Variants in DHRS9 observed in about 807,000 individuals in gnomAD.
DHRS9 encodes dehydrogenase/reductase 9, also known as dehydrogenase/reductase SDR family member 9.
A neutral mutation model predicts 26.6 loss-of-function variants in DHRS9; 18 were observed. That is an observed-to-expected ratio of 0.68 (90% confidence interval 0.47 to 1.00). The LOEUF (loss-of-function observed/expected upper bound fraction) is 1.00. Among genes scored for constraint, DHRS9 ranks in the 50% least tolerant of loss-of-function variants. The pLI, the probability that DHRS9 is intolerant of heterozygous loss-of-function variation, is 0.00. For missense variants in DHRS9, 425 were observed against 378.7 expected, an observed-to-expected ratio of 1.12 and a Z score of -1.01; for synonymous variants, 134 against 141.1, an observed-to-expected ratio of 0.95 and a Z score of 0.36.
At chr2:169,071,575 T>C (rs1407243857) in intron 1 of DHRS9, among the ~76,000 whole-genome samples, 6 of 152,246 alleles carry the variant, frequency 3.9e-5, no homozygotes, top group African/African-American at 1.4e-4. Flanking sequence ...GAATCTGTAG[T>C]GGAAGTACAC....
At chr2:169,070,786 C>T (rs1683777029) in intron 1 of DHRS9, 2 of 984,902 alleles carry the variant, frequency 2.0e-6, no homozygotes, top group African/African-American at 3.5e-5. Flanking sequence ...CATACCTGGC[C>T]GGGCGCGGTG....
At chr2:169,078,411 A>T (rs900999214) in intron 1 of DHRS9, among the ~76,000 whole-genome samples, 7 of 152,224 alleles carry the variant, frequency 4.6e-5, no homozygotes, top group Non-Finnish European at 8.8e-5. Context: ...CTGCAATGAA[A>T]GCTGCAGAAT....
chr2:169,076,070 A>G (rs1481860432), intron 1 of DHRS9, among the ~76,000 whole-genome samples: 1 of 152,230 alleles, frequency 6.6e-6, no homozygotes, highest in Non-Finnish European at 1.5e-5. Context: ...GTCAGTTGCC[A>G]AATGGTGATA....
intron 1 of DHRS9, among the ~76,000 whole-genome samples, chr2:169,078,777 T>C (rs1684043397): frequency 6.6e-6 from 1 of 151,150 alleles, no homozygotes; most frequent in African/African-American, 2.4e-5. Context: ...TCTCCAAACA[T>C]ATTTTTATAT....
Position 169,095,884 on chromosome 2 carries a change from A to C in DHRS9, c.*117A>C. The C allele has an allele frequency of 1.1e-6, 1 of 951,296 alleles. No homozygotes were observed. The highest frequency in any genetic ancestry group is 1.6e-6 in the Non-Finnish European group (1 of 629,236). 58.9% of individuals were successfully genotyped at this position (951,296 alleles called of 1,614,324 possible). On this transcript the variant is annotated 3_prime_UTR_variant, in exon 5 of 5. Transcript: ENST00000674881. ...ACCTGGACTCATTTAGATCGTGCTT[A>C]TTTGGATTGCAAAAGGGAGTCCCAC...
At chr2:169,087,454 T>C (rs1482697185) in intron 3 of DHRS9, among the ~76,000 whole-genome samples, 1 of 152,160 alleles carries the variant, frequency 6.6e-6, no homozygotes, top group East Asian at 1.9e-4. Context: ...AGACGCTAAG[T>C]GCCCACTTGG....
At chr2:169,087,527 C>T (rs1210531563) in intron 3 of DHRS9, among the ~76,000 whole-genome samples, 1 of 152,158 alleles carries the variant, frequency 6.6e-6, no homozygotes, top group Non-Finnish European at 1.5e-5. Flanking sequence ...ATCTCCTTTA[C>T]TCTTCCGTCT....
chr2:169,090,044 T>C (rs1684472524), intron 3 of DHRS9, among the ~76,000 whole-genome samples: 1 of 152,242 alleles, frequency 6.6e-6, no homozygotes, highest in South Asian at 2.1e-4. Context: ...TTGTGAGCTT[T>C]GCCATGCAGG....
At position 169,081,759 on chromosome 2, in the gene DHRS9, T is replaced by A. The variant is rs1446684487; in HGVS notation, c.178T>A (p.Cys60Ser). The A allele has an allele frequency of 6.2e-7, 1 of 1,614,078 alleles. No individual in the cohort carries two copies. The highest frequency in any genetic ancestry group is 1.7e-5 in the Admixed American group (1 of 60,004). Reference protein sequence around the residue: ...DKKGFHVIAACLTESGSTALK... With the variant: ...DKKGFHVIAASLTESGSTALK... Reference sequence around the variant, plus strand: ...AAAGGGATTTCATGTAATCGCTGCCTGTCTGACTGAATCAGGATCAACAGC... The same window carrying A: ...AAAGGGATTTCATGTAATCGCTGCCAGTCTGACTGAATCAGGATCAACAGC... The change falls in exon 2 of 5, where the codon TGT becomes AGT. Residue 60 changes from cysteine to serine, a missense_variant. Coordinates refer to ENST00000674881, the MANE Select transcript of DHRS9 (RefSeq NM_001376924.1).
At chr2:169,091,192 G>A (rs553250647) in intron 3 of DHRS9, among the ~76,000 whole-genome samples, 44 of 151,634 alleles carry the variant, frequency 2.9e-4, no homozygotes, top group African/African-American at 1.0e-3. Context: ...CCTAGGGAAT[G>A]AGTAGGCTTT....
At chr2:169,086,041 G>GT (rs1205597059) in intron 3 of DHRS9, among the ~76,000 whole-genome samples, 4 of 151,942 alleles carry the variant, frequency 2.6e-5, no homozygotes, top group African/African-American at 9.7e-5. Flanking sequence ...CTTCCTCTAG[G>GT]TTTGGGAAGT....
intron 1 of DHRS9, among the ~76,000 whole-genome samples, chr2:169,071,565 G>A (rs972047948): frequency 3.9e-5 from 6 of 152,246 alleles, no homozygotes; most frequent in Middle Eastern, 3.4e-3. Flanking sequence ...CTGTCTGAGT[G>A]AATCTGTAGT....
rs150533859 is a variant in DHRS9 at position 169,089,323 on chromosome 2, C to G, written c.573-2467C>G. ...TGTTGACACCACAGGAGGATAACTA[C>G]TCTGACCCCCTCACCTCTTTCCTGA... On this transcript the variant is annotated intron_variant, in intron 3 of 4. Coordinates refer to ENST00000674881, the MANE Select transcript of DHRS9 (RefSeq NM_001376924.1). 7.4e-3 allele frequency among the ~76,000 whole-genome samples: 1,120 copies of G among 152,256 alleles called. 8 individuals are homozygous for G. Among genetic ancestry groups the G allele is most frequent in the Middle Eastern group, 0.062 (18 of 292 alleles).
At chr2:169,079,421 T>C (rs918407753) in intron 1 of DHRS9, among the ~76,000 whole-genome samples, 7 of 152,232 alleles carry the variant, frequency 4.6e-5, no homozygotes, top group African/African-American at 1.7e-4. Context: ...TGCACTAAAA[T>C]ATTGAATCAA....
At chr2:169,094,519 T>C (rs576455440) in intron 4 of DHRS9, among the ~76,000 whole-genome samples, 4 of 151,546 alleles carry the variant, frequency 2.6e-5, no homozygotes, top group Admixed American at 2.0e-4. Context: ...TGTCAAGAAG[T>C]ATTTCCTTTA....
Position 169,095,581 on chromosome 2 carries a change from C to T in DHRS9, c.774C>T (p.Asn258=). 6.2e-7 allele frequency: 1 copy of T among 1,613,956 alleles called. No individual in the cohort carries two copies. ...TGAAAGGCAATAAATCCTATGTGAA[C>T]ATGGACCTCTCTCCGGTGGTAGAGT... ...DKLKGNKSYV[N]MDLSPVVECM... is the part of the protein sequence containing the mutation. The change falls in exon 5 of 5, where the codon AAC becomes AAT. Residue 258 remains asparagine (N), a synonymous_variant. Coordinates refer to ENST00000674881, the MANE Select transcript of DHRS9 (RefSeq NM_001376924.1).
chr2:169,072,127 T>C (rs1016743018), intron 1 of DHRS9, among the ~76,000 whole-genome samples: 1 of 151,996 alleles, frequency 6.6e-6, no homozygotes, highest in South Asian at 2.1e-4. Context: ...TATTCAAATA[T>C]ACAAGAGGCA....
chr2:169,092,860 C>T (rs1684574514), intron 4 of DHRS9, among the ~76,000 whole-genome samples: 1 of 152,090 alleles, frequency 6.6e-6, no homozygotes, highest in Admixed American at 6.6e-5. Flanking sequence ...TAAAATCCCC[C>T]AAAAAACTCT....
intron 2 of DHRS9, 71 bp downstream of exon 2, chr2:169,081,965 C>T: frequency 6.9e-7 from 1 of 1,443,852 alleles, no homozygotes. Flanking sequence ...CTAAATAAAA[C>T]ATGCTCAAGT....
Sources: gnomAD v4.1 joint callset for allele counts (sites outside exome capture counted in the v4.1 genomes callset) on GRCh38, gnomAD v4.1.1 for gene constraint, MANE v1.5 for transcripts, NCBI Gene and HGNC (gene_info 2026-07-23, HGNC 2026-07-21) for gene names.